CCNH: variants seen among roughly 807,000 people sequenced by gnomAD.
CCNH encodes cyclin H.
A neutral mutation model predicts 41.9 loss-of-function variants in CCNH; 31 were observed. That is an observed-to-expected ratio of 0.74 (90% CI 0.56 to 1.00). CCNH has a LOEUF of 1.00. CCNH is among the 50% of genes least tolerant of loss of function. The probability of loss-of-function intolerance (pLI) is 0.00; values close to 1 mark genes in which losing one functional copy is unlikely to be tolerated. For missense variants in CCNH, 362 were observed against 388.4 expected (o/e 0.93, Z 0.57); for synonymous variants, 138 against 136.1 (o/e 1.01, Z -0.10).
intron 9 of CCNH, among the ~76,000 whole-genome samples, chr5:87,342,859 G>A (rs62368949): frequency 0.35 from 53,042 of 151,862 alleles, 9,593 homozygotes; most frequent in East Asian, 0.48. Flanking sequence ...TAATAGCAAT[G>A]GAATTTTAAA....
intron 5 of CCNH, among the ~76,000 whole-genome samples, chr5:87,402,219 C>G (rs1763473026): frequency 6.6e-6 from 1 of 152,118 alleles, no homozygotes; most frequent in African/African-American, 2.4e-5. Context: ...AATATGAAAG[C>G]CATTTTATCT....
downstream of CCNH, chr5:87,389,647 C>T (rs1177868322): frequency 1.5e-6 from 2 of 1,290,980 alleles, no homozygotes; most frequent in Non-Finnish European, 2.2e-6. Context: ...TGAGACTCTG[C>T]ATCATATTAC....
At chr5:87,386,998 T>C (rs1762107453), downstream of CCNH, 6 of 1,184,814 alleles carry the variant, frequency 5.1e-6, no homozygotes, top group Non-Finnish European at 7.3e-6. Flanking sequence ...AGATTTTCTA[T>C]CCAAAACTAA....
At chr5:87,341,466 A>G in intron 9 of CCNH, 1 of 436,188 alleles carries the variant, frequency 2.3e-6, no homozygotes, top group Non-Finnish European at 3.9e-6. Context: ...ATTTCTAAAT[A>G]TTTTCTTAAG....
At chr5:87,405,089 A>G (rs946715357) in intron 4 of CCNH, 82 bp from the exon 5 acceptor site, 2 of 926,054 alleles carry the variant, frequency 2.2e-6, no homozygotes, top group African/African-American at 1.7e-5. Flanking sequence ...CACAACTCCT[A>G]TTAAGAAATA....
chr5:87,401,279 C>T (rs766325424), intron 6 of CCNH, among the ~76,000 whole-genome samples: 5 of 152,230 alleles, frequency 3.3e-5, no homozygotes, highest in Non-Finnish European at 5.9e-5. Context: ...GCTGTCTTAA[C>T]AGTGCCTTCT....
chr5:87,377,958 ACT>A (rs1265302457), upstream of CCNH, among the ~76,000 whole-genome samples: 1 of 152,130 alleles, frequency 6.6e-6, no homozygotes, highest in African/African-American at 2.4e-5. Flanking sequence ...TTTTACTGAA[ACT>A]CAGTAGACAT....
chr5:87,353,943 A>C (rs1449966129), intron 9 of CCNH, among the ~76,000 whole-genome samples: 1 of 152,106 alleles, frequency 6.6e-6, no homozygotes, highest in Non-Finnish European at 1.5e-5. Flanking sequence ...AAGGTGCTTC[A>C]AAAGACGGAT....
chr5:87,378,365 A>G (rs946726733), upstream of CCNH: 18 of 1,609,914 alleles, frequency 1.1e-5, no homozygotes, highest in African/African-American at 2.7e-5. Flanking sequence ...AGTCCTTTAC[A>G]AATAATCTTC....
downstream of CCNH, chr5:87,392,807 A>G (rs1762613832): frequency 6.4e-6 from 1 of 155,086 alleles, no homozygotes; most frequent in East Asian, 1.9e-4. Flanking sequence ...GTCAGTGTTG[A>G]AATAAAATCT....
chr5:87,338,671 C>A (rs556881995), intron 9 of CCNH, among the ~76,000 whole-genome samples: 1 of 150,526 alleles, frequency 6.6e-6, no homozygotes, highest in East Asian at 2.0e-4. Context: ...AGTGCCCGGC[C>A]TATTTGTGCT....
exon 1 of CCNH, chr5:87,376,353 T>A: frequency 6.2e-7 from 1 of 1,608,502 alleles, no homozygotes. Flanking sequence ...AATTATCGTG[T>A]TCTCTTTTTA....
intron 7 of CCNH, 83 bp from the exon 8 acceptor site, chr5:87,395,187 G>A (rs1762843610): frequency 1.7e-6 from 2 of 1,170,322 alleles, no homozygotes; most frequent in Admixed American, 2.0e-5. Flanking sequence ...AAGGCTATAG[G>A]CAATATCATG....
intron 7 of CCNH, among the ~76,000 whole-genome samples, chr5:87,395,485 A>C (rs1331877962): frequency 6.6e-6 from 1 of 152,214 alleles, no homozygotes; most frequent in Non-Finnish European, 1.5e-5. Context: ...ATCAATGATC[A>C]GACTAGATAA....
chr5:87,376,859 A>G (rs765034517), exon 1 of CCNH: 61 of 1,572,408 alleles, frequency 3.9e-5, no homozygotes, highest in Non-Finnish European at 5.0e-5. Flanking sequence ...ACTTTAAACA[A>G]TCTTTTAAAA....
Position 87,361,667 on chromosome 5 carries a change from G to GT in CCNH, c.*90+31102dup, listed in dbSNP as rs1760103050. Among the ~76,000 whole-genome samples the GT allele has an allele frequency of 2.0e-5, 3 of 152,222 alleles. No homozygotes were observed. In the South Asian group the frequency reaches 6.2e-4, roughly 32 times the overall value. On this transcript the variant is annotated intron_variant and NMD_transcript_variant, in intron 9 of 9. Transcript: ENST00000645953. ...TTCCTCAGGAGATTTAGCAATTAAT[G>GT]TAAGTTCTGCTATAATGTAACATAT...
chr5:87,371,057 AGT>A (rs1243126649), intron 9 of CCNH, among the ~76,000 whole-genome samples: 1 of 152,128 alleles, frequency 6.6e-6, no homozygotes, highest in Admixed American at 6.6e-5. Flanking sequence ...TTAGAAATTG[AGT>A]TAGAAATTTA....
chr5:87,337,670 C>A (rs902288053), intron 9 of CCNH, among the ~76,000 whole-genome samples: 2 of 152,028 alleles, frequency 1.3e-5, no homozygotes, highest in Non-Finnish European at 2.9e-5. Flanking sequence ...AATATATGTA[C>A]AATCAGTTTC....
At chr5:87,316,744 A>G (rs554007556), downstream of CCNH, among the ~76,000 whole-genome samples, 1 of 152,310 alleles carries the variant, frequency 6.6e-6, no homozygotes, top group African/African-American at 2.4e-5. Context: ...TATAGATACA[A>G]AGCTGTTTTC....
Sources: gnomAD v4.1 joint callset for allele counts (sites outside exome capture counted in the v4.1 genomes callset) on GRCh38, gnomAD v4.1.1 for gene constraint, MANE v1.5 for transcripts, NCBI Gene and HGNC (gene_info 2026-07-23, HGNC 2026-07-21) for gene names.